Variants in EXOC5 observed in about 807,000 individuals in gnomAD.
The protein encoded by EXOC5 is SEC10-like 1.
A neutral mutation model predicts 90.8 loss-of-function variants in EXOC5; 17 were observed. The observed-to-expected ratio is 0.19, with a 90% confidence interval of 0.13 to 0.28. EXOC5 has a LOEUF of 0.28. EXOC5 is among the 10% of genes least tolerant of loss of function. The pLI is 1.00. For missense variants in EXOC5, 569 were observed against 830.6 expected (o/e 0.69, Z 3.87); for synonymous variants, 260 against 270.0 (o/e 0.96, Z 0.36).
chr14:57,254,590 G>A (rs900493693), intron 1 of EXOC5, among the ~76,000 whole-genome samples: 3 of 152,160 alleles, frequency 2.0e-5, no homozygotes, highest in African/African-American at 7.2e-5. Flanking sequence ...GTCTGGAGTA[G>A]AGAGGCATAT....
chr14:57,250,357 G>C (rs1455522712), intron 1 of EXOC5, among the ~76,000 whole-genome samples: 1 of 152,142 alleles, frequency 6.6e-6, no homozygotes. Context: ...GTTATTGACT[G>C]AAGAAAAGGC....
intron 1 of EXOC5, 117 bp from the exon 2 acceptor site, chr14:57,247,829 A>T: frequency 2.0e-6 from 1 of 496,664 alleles, no homozygotes; most frequent in Admixed American, 3.8e-5. Flanking sequence ...CTAATTGTTT[A>T]AATACATCTA....
At chr14:57,268,589 C>A (rs762752478) in intron 1 of EXOC5, 33 bp downstream of exon 1, 9 of 1,580,218 alleles carry the variant, frequency 5.7e-6, no homozygotes, top group Middle Eastern at 1.7e-4. Flanking sequence ...AAACCCCGGG[C>A]CTGCCACTCC....
intron 1 of EXOC5, among the ~76,000 whole-genome samples, chr14:57,255,413 T>C (rs1884321887): frequency 6.6e-6 from 1 of 152,026 alleles, no homozygotes; most frequent in South Asian, 2.1e-4. Context: ...CCACATACCA[T>C]ATCACACCAA....
At chr14:57,262,787 T>C (rs373757926) in intron 1 of EXOC5, among the ~76,000 whole-genome samples, 2 of 150,144 alleles carry the variant, frequency 1.3e-5, no homozygotes. Context: ...TTCTTCCCCC[T>C]GCAAGGGTCC....
In EXOC5 at chr14:57,214,679, T is replaced by C. The variant is rs907256280; in HGVS notation, c.1613+3303A>G. Among the ~76,000 whole-genome samples, 3 of 152,094 alleles carry C rather than the reference T, an allele frequency of 2.0e-5. No individual in the cohort carries two copies. In the East Asian group the frequency reaches 5.8e-4, roughly 29 times the overall value. ...CCAACAGTGAGGAGTCAACCAGTTA[T>C]GGGAATAAAAGAGACTGCATCTATC... is the stretch of plus-strand genomic sequence containing the variant. On this transcript the variant is annotated intron_variant, in intron 15 of 17. Transcript: ENST00000621441.
At chr14:57,264,510 A>C (rs1233551139) in intron 1 of EXOC5, among the ~76,000 whole-genome samples, 1 of 152,226 alleles carries the variant, frequency 6.6e-6, no homozygotes, top group African/African-American at 2.4e-5. Context: ...ACAGAAAGAA[A>C]AAAAAATGAA....
chr14:57,214,157 T>A (rs747394644), intron 15 of EXOC5, among the ~76,000 whole-genome samples: 1 of 152,228 alleles, frequency 6.6e-6, no homozygotes, highest in East Asian at 1.9e-4. Context: ...CCACCTACCA[T>A]TGGCATGTCC....
At chr14:57,236,462 T>C (rs1042243441) in intron 6 of EXOC5, among the ~76,000 whole-genome samples, 9 of 151,886 alleles carry the variant, frequency 5.9e-5, no homozygotes, top group African/African-American at 2.2e-4. Context: ...ATTTTTGTAT[T>C]TTTAATAGAG....
intron 1 of EXOC5, among the ~76,000 whole-genome samples, chr14:57,263,273 C>CT (rs1884570202): frequency 1.3e-5 from 2 of 152,096 alleles, no homozygotes; most frequent in Admixed American, 1.3e-4. Flanking sequence ...GAGTTGGAGA[C>CT]TAGCCTGGGC....
At chr14:57,233,263 T>C (rs570233803) in intron 9 of EXOC5, 1 of 153,636 alleles carries the variant, frequency 6.5e-6, no homozygotes, top group African/African-American at 2.4e-5. Flanking sequence ...CAAACATTTA[T>C]TGAATGTTGT....
intron 4 of EXOC5, chr14:57,243,403 C>T (rs1883932158): frequency 6.6e-6 from 1 of 152,148 alleles, no homozygotes; most frequent in Admixed American, 6.5e-5. Context: ...TTAGCTTTTA[C>T]ATTCCACTAT....
chr14:57,247,612 T>C lies in EXOC5; in HGVS notation c.122+6A>G. On this transcript the variant is annotated splice_donor_region_variant and intron_variant, in intron 2 of 17. Coordinates refer to ENST00000621441, the MANE Select transcript of EXOC5 (RefSeq NM_006544.4). Reference sequence around the variant, plus strand: ...ATCTGTGGGGAAAAAAATTTTTTTATTTCACCTTTTAGGATCAAAAGCTTC... The same window carrying C: ...ATCTGTGGGGAAAAAAATTTTTTTACTTCACCTTTTAGGATCAAAAGCTTC... 2 of 1,512,182 alleles carry C rather than the reference T, an allele frequency of 1.3e-6. No individual in the cohort carries two copies. The highest frequency in any genetic ancestry group is 1.8e-6 in the Non-Finnish European group (2 of 1,118,800). 93.7% of individuals were successfully genotyped at this position (1,512,182 alleles called of 1,614,324 possible). A position where few individuals can be genotyped will look rare whatever the true frequency, so the allele number is the denominator to read the frequency against.
At chr14:57,225,863 T>C (rs2139627648) in intron 12 of EXOC5, among the ~76,000 whole-genome samples, 1 of 152,274 alleles carries the variant, frequency 6.6e-6, no homozygotes, top group South Asian at 2.1e-4. Context: ...GCGGGACAAC[T>C]TGAAGGGGTG....
intron 1 of EXOC5, among the ~76,000 whole-genome samples, chr14:57,263,109 T>C (rs1884564765): frequency 1.3e-5 from 2 of 152,118 alleles, no homozygotes; most frequent in Admixed American, 6.6e-5. Context: ...AAATTGTCTG[T>C]CTCCCTGACC....
chr14:57,201,486 AAACACACG>A lies in EXOC5; in HGVS notation c.*7115_*7122del, dbSNP rs1882502863. 8.2e-6 allele frequency: 1 copy of A among 121,338 alleles called. No individual in the cohort carries two copies. The highest frequency in any genetic ancestry group is 1.5e-5 in the Non-Finnish European group (1 of 65,168). The allele number at this position is 121,338 out of a possible 1,614,324, so 7.5% of individuals were successfully genotyped here. On this transcript the variant is annotated 3_prime_UTR_variant, in exon 18 of 18. Coordinates refer to ENST00000621441, the MANE Select transcript of EXOC5 (RefSeq NM_006544.4). ...CGTGTATATGTACACACACGTGTATAAACACACGTGTATATACACACACATATGTATAT... is the reference window on the plus strand; with the variant it reads ...CGTGTATATGTACACACACGTGTATATGTATATACACACACATATGTATAT...
At position 57,225,908 on chromosome 14, in the gene EXOC5, C is replaced by G. The variant is rs571638766; in HGVS notation, c.1297-3492G>C. ...TTCCAGGTTACAGGCAGATAAGAGA[C>G]AAACAGTCGTATTCTTTTGAGTCTT... On this transcript the variant is annotated intron_variant, in intron 12 of 17. Coordinates refer to ENST00000621441, the MANE Select transcript of EXOC5 (RefSeq NM_006544.4). Among the ~76,000 whole-genome samples the G allele has an allele frequency of 6.9e-4, 105 of 152,284 alleles. 1 individual carries two copies. The South Asian group carries it at 0.021, about 30-fold the overall frequency.
In EXOC5 at chr14:57,203,915, T is replaced by C. The variant is rs1246598073; in HGVS notation, c.*4694A>G. The C allele has an allele frequency of 1.3e-5, 2 of 152,592 alleles. No individual in the cohort carries two copies. The highest frequency in any genetic ancestry group is 4.8e-5 in the African/African-American group (2 of 41,440). The allele number at this position is 152,592 out of a possible 1,614,324, so 9.5% of individuals were successfully genotyped here. A position where few individuals can be genotyped will look rare whatever the true frequency, so the allele number is the denominator to read the frequency against. On this transcript the variant is annotated 3_prime_UTR_variant, in exon 18 of 18. Coordinates refer to ENST00000621441, the MANE Select transcript of EXOC5 (RefSeq NM_006544.4). ...TCCATTCCACCTGCTCAAATATTAG[T>C]GCAAATAATTATATATTTGTAATGC...
At chr14:57,213,533 G>A (rs1297964766) in intron 15 of EXOC5, among the ~76,000 whole-genome samples, 6 of 151,242 alleles carry the variant, frequency 4.0e-5, no homozygotes, top group Non-Finnish European at 2.9e-5. Flanking sequence ...TCAGCCTCCC[G>A]AGTAGCTGGG....
Sources: allele counts gnomAD v4.1 joint callset (sites outside exome capture counted in the v4.1 genomes callset), GRCh38; gene constraint gnomAD v4.1.1; transcripts MANE v1.5; gene names NCBI Gene and HGNC (gene_info 2026-07-23, HGNC 2026-07-21).